Variants in LRRC4C observed in about 807,000 individuals in gnomAD.
LRRC4C encodes leucine-rich repeat-containing protein 4C.
In LRRC4C, 5 loss-of-function variants were observed where a neutral mutation model predicts 33.6. That is an observed-to-expected ratio of 0.15 (90% confidence interval 0.08 to 0.31). The LOEUF is 0.31. Ranked by LOEUF, LRRC4C falls within the 10% of genes least tolerant of loss-of-function variation. LRRC4C has a pLI of 1.00. For synonymous variants in LRRC4C, 329 were observed against 302.0 expected, an observed-to-expected ratio of 1.09 and a Z score of -0.93; for missense variants, 560 against 796.7, an observed-to-expected ratio of 0.70 and a Z score of 3.58.
chr11:40,323,796 C>T lies in LRRC4C; in HGVS notation c.-269-4075G>A, dbSNP rs560302325. Among the ~76,000 whole-genome samples, 6 of 152,084 alleles carry T rather than the reference C, an allele frequency of 3.9e-5. No individual in the cohort carries two copies. The East Asian group carries it at 5.8e-4, about 15-fold the overall frequency. ...CACCCTCTATTGAATGAGGTAGTAGCGTATACAAACAATTATAGAATAATA... is the reference window on the plus strand; with the variant it reads ...CACCCTCTATTGAATGAGGTAGTAGTGTATACAAACAATTATAGAATAATA... On this transcript the variant is annotated intron_variant, in intron 3 of 6. Coordinates refer to ENST00000528697, the MANE Select transcript of LRRC4C (RefSeq NM_001258419.2).
intron 1 of LRRC4C, among the ~76,000 whole-genome samples, chr11:41,125,024 GC>G (rs1452314650): frequency 8.5e-5 from 13 of 152,116 alleles, no homozygotes; most frequent in Admixed American, 2.0e-4. Context: ...TATGTTTTCA[GC>G]CAGAATGTTT....
intron 1 of LRRC4C, among the ~76,000 whole-genome samples, chr11:40,977,930 C>T (rs958528953): frequency 1.3e-5 from 2 of 152,106 alleles, no homozygotes; most frequent in Non-Finnish European, 2.9e-5. Context: ...TGAAGGCACA[C>T]AGGAAAAAAA....
intron 4 of LRRC4C, among the ~76,000 whole-genome samples, chr11:40,267,171 T>G (rs1737689445): frequency 6.6e-6 from 1 of 152,186 alleles, no homozygotes; most frequent in African/African-American, 2.4e-5. Flanking sequence ...ACCGAAGAAA[T>G]ATTTCAAACT....
intron 5 of LRRC4C, among the ~76,000 whole-genome samples, chr11:40,176,440 T>C (rs181363020): frequency 5.4e-4 from 82 of 152,140 alleles, no homozygotes; most frequent in African/African-American, 1.9e-3. Flanking sequence ...ATGAATGAGA[T>C]TAAGAGATAA....
chr11:40,733,150 A>G (rs932229710), intron 2 of LRRC4C, among the ~76,000 whole-genome samples: 16 of 125,918 alleles, frequency 1.3e-4, no homozygotes, highest in Non-Finnish European at 1.6e-5. Context: ...ATCTCGGCTC[A>G]CTGCAAGCTC....
intron 5 of LRRC4C, among the ~76,000 whole-genome samples, chr11:40,191,686 C>T (rs867390353): frequency 1.3e-4 from 20 of 152,308 alleles, no homozygotes; most frequent in East Asian, 5.8e-4. Flanking sequence ...ACTGGCTATA[C>T]GCAGAGGCTC....
At chr11:40,597,662 A>T (rs7121049) in intron 3 of LRRC4C, among the ~76,000 whole-genome samples, 2 of 151,948 alleles carry the variant, frequency 1.3e-5, no homozygotes, top group Non-Finnish European at 2.9e-5. Flanking sequence ...TATTAAAAGA[A>T]TACGGTGGAA....
chr11:40,604,345 T>C (rs1017078050), intron 3 of LRRC4C, among the ~76,000 whole-genome samples: 1 of 152,130 alleles, frequency 6.6e-6, no homozygotes, highest in East Asian at 1.9e-4. Flanking sequence ...GATATTATCA[T>C]ATATTGAGTA....
At chr11:40,338,825 G>C (rs994509781) in intron 3 of LRRC4C, among the ~76,000 whole-genome samples, 2 of 152,038 alleles carry the variant, frequency 1.3e-5, no homozygotes, top group Non-Finnish European at 2.9e-5. Flanking sequence ...GTAGGAAAAG[G>C]CTTCATTCTG....
At chr11:40,971,445 C>T (rs1436768914) in intron 1 of LRRC4C, among the ~76,000 whole-genome samples, 2 of 152,142 alleles carry the variant, frequency 1.3e-5, no homozygotes, top group Non-Finnish European at 1.5e-5. Context: ...GAGGAGGGAA[C>T]AGAATGCAAG....
intron 1 of LRRC4C, among the ~76,000 whole-genome samples, chr11:41,279,713 A>G (rs1949603665): frequency 6.6e-6 from 1 of 152,120 alleles, no homozygotes; most frequent in African/African-American, 2.4e-5. Flanking sequence ...GCCAGAAGGA[A>G]ATTTGACTCC....
At chr11:40,884,673 C>T (rs367862310) in intron 2 of LRRC4C, among the ~76,000 whole-genome samples, 11 of 152,162 alleles carry the variant, frequency 7.2e-5, no homozygotes, top group African/African-American at 2.6e-4. Flanking sequence ...TTCTGAAAGG[C>T]ATTTGTAATT....
chr11:40,383,840 G>A (rs547978718), intron 3 of LRRC4C, among the ~76,000 whole-genome samples: 35 of 151,340 alleles, frequency 2.3e-4, no homozygotes, highest in African/African-American at 7.7e-4. Context: ...ATGCAACACC[G>A]TGCCCGGCTA....
At chr11:40,376,622 G>A (rs1948670127) in intron 3 of LRRC4C, among the ~76,000 whole-genome samples, 3 of 152,118 alleles carry the variant, frequency 2.0e-5, no homozygotes, top group Admixed American at 1.3e-4. Context: ...TGAACTTGAT[G>A]AAGTTACCAA....
At chr11:40,633,742 A>G (rs956681495) in intron 3 of LRRC4C, among the ~76,000 whole-genome samples, 2 of 152,148 alleles carry the variant, frequency 1.3e-5, no homozygotes, top group African/African-American at 4.8e-5. Flanking sequence ...GGGAATGAGA[A>G]TATGTAACAG....
intron 1 of LRRC4C, among the ~76,000 whole-genome samples, chr11:41,218,520 A>G (rs1442097997): frequency 1.3e-5 from 2 of 152,188 alleles, no homozygotes; most frequent in Non-Finnish European, 2.9e-5. Flanking sequence ...TTTTAATGTG[A>G]ATTTTATATA....
At chr11:40,935,574 G>C (rs1051618444) in intron 1 of LRRC4C, among the ~76,000 whole-genome samples, 7 of 152,030 alleles carry the variant, frequency 4.6e-5, no homozygotes, top group African/African-American at 1.7e-4. Flanking sequence ...CAGTAACATG[G>C]TGTACAGGTT....
chr11:40,134,852 C>A (rs1385423208), intron 6 of LRRC4C, among the ~76,000 whole-genome samples: 1 of 152,140 alleles, frequency 6.6e-6, no homozygotes, highest in Non-Finnish European at 1.5e-5. Context: ...TAGTGGCTCC[C>A]ACTGAATATC....
chr11:41,074,726 T>C (rs1212998312), intron 1 of LRRC4C, among the ~76,000 whole-genome samples: 1 of 152,160 alleles, frequency 6.6e-6, no homozygotes, highest in African/African-American at 2.4e-5. Context: ...CCATAGAAAG[T>C]CCTTGAAAAC....
Sources: allele counts gnomAD v4.1 joint callset (sites outside exome capture counted in the v4.1 genomes callset), GRCh38; gene constraint gnomAD v4.1.1; transcripts MANE v1.5; gene names NCBI Gene and HGNC (gene_info 2026-07-23, HGNC 2026-07-21).